SCLT1: variants seen among roughly 807,000 people sequenced by gnomAD.
The protein encoded by SCLT1 is sodium channel and clathrin linker 1, also known as sodium channel-associated protein 1.
A neutral mutation model predicts 112.8 loss-of-function variants in SCLT1; 78 were observed. The ratio of observed to expected loss-of-function variants is 0.69; its 90% CI spans 0.58 to 0.83. SCLT1 has a LOEUF of 0.83. Ranked by LOEUF, SCLT1 falls within the 40% of genes least tolerant of loss-of-function variation. SCLT1 has a pLI of 0.00. For missense variants in SCLT1, 747 were observed against 770.4 expected (o/e 0.97, Z 0.36); for synonymous variants, 257 against 254.7 (o/e 1.01, Z -0.09).
intron 4 of SCLT1, among the ~76,000 whole-genome samples, chr4:128,875,597 GT>G (rs1246001589): frequency 6.6e-6 from 1 of 152,178 alleles, no homozygotes; most frequent in Non-Finnish European, 1.5e-5. Context: ...TTAAGCCTCA[GT>G]TTTCCCAGAA....
chr4:128,902,809 A>G (rs1430650643), intron 18 of SCLT1, among the ~76,000 whole-genome samples: 4 of 152,192 alleles, frequency 2.6e-5, no homozygotes, highest in African/African-American at 7.2e-5. Flanking sequence ...CTAAAACACA[A>G]ATGTACAGCT....
chr4:128,879,306 G>A (rs1199981973), downstream of SCLT1, among the ~76,000 whole-genome samples: 4 of 152,146 alleles, frequency 2.6e-5, no homozygotes, highest in Non-Finnish European at 5.9e-5. Context: ...TAGAATGTGT[G>A]AAGCATTTAC....
chr4:128,920,105 T>C (rs1735769430), intron 18 of SCLT1, among the ~76,000 whole-genome samples: 1 of 152,200 alleles, frequency 6.6e-6, no homozygotes, highest in Non-Finnish European at 1.5e-5. Flanking sequence ...AAAAGAAAAC[T>C]TCAGGCCAAT....
chr4:129,015,477 C>A (rs1744910702), intron 5 of SCLT1, among the ~76,000 whole-genome samples: 1 of 152,104 alleles, frequency 6.6e-6, no homozygotes. Context: ...CCTATCTGAG[C>A]TGGGGCAAGT....
chr4:129,000,570 G>T (rs1002788263), intron 6 of SCLT1, among the ~76,000 whole-genome samples: 6 of 151,842 alleles, frequency 4.0e-5, no homozygotes, highest in African/African-American at 1.5e-4. Context: ...AATGTACAGT[G>T]AAGTTTTCTA....
chr4:129,010,511 G>A (rs1434586470), intron 5 of SCLT1, among the ~76,000 whole-genome samples: 1 of 152,188 alleles, frequency 6.6e-6, no homozygotes, highest in African/African-American at 2.4e-5. Context: ...TGGGCAGTAT[G>A]ACCATTTTTA....
At chr4:128,941,962 G>C (rs764952637) in intron 17 of SCLT1, among the ~76,000 whole-genome samples, 1 of 152,054 alleles carries the variant, frequency 6.6e-6, no homozygotes, top group Non-Finnish European at 1.5e-5. Flanking sequence ...TATGATAAAT[G>C]AGTTTGTTTC....
At chr4:129,052,761 C>G (rs1188908727) in intron 2 of SCLT1, among the ~76,000 whole-genome samples, 3 of 152,072 alleles carry the variant, frequency 2.0e-5, no homozygotes, top group Non-Finnish European at 2.9e-5. Flanking sequence ...TATTTCTTGT[C>G]TTCTGCTAGC....
chr4:128,990,944 T>C (rs1742516267), intron 9 of SCLT1, among the ~76,000 whole-genome samples: 1 of 151,758 alleles, frequency 6.6e-6, no homozygotes, highest in Admixed American at 6.6e-5. Context: ...CACAAAACAA[T>C]GGAAAGATAT....
intron 18 of SCLT1, among the ~76,000 whole-genome samples, chr4:128,905,105 TA>T (rs1238407006): frequency 6.6e-6 from 1 of 152,188 alleles, no homozygotes; most frequent in African/African-American, 2.4e-5. Context: ...AGAAAAAAAC[TA>T]ATAAGCATCT....
chr4:128,959,038 T>G (rs917387362), intron 12 of SCLT1, among the ~76,000 whole-genome samples: 1 of 152,186 alleles, frequency 6.6e-6, no homozygotes, highest in African/African-American at 2.4e-5. Flanking sequence ...CATTAAAACA[T>G]TTGTTTTGTG....
chr4:128,924,086 T>G (rs947529032), intron 18 of SCLT1, among the ~76,000 whole-genome samples: 8 of 152,102 alleles, frequency 5.3e-5, no homozygotes, highest in Non-Finnish European at 1.2e-4. Flanking sequence ...TAAAACTGCA[T>G]GTCTGCATGA....
chr4:128,967,989 G>T (rs927303762), intron 10 of SCLT1, among the ~76,000 whole-genome samples: 4 of 152,064 alleles, frequency 2.6e-5, no homozygotes, highest in African/African-American at 9.7e-5. Context: ...TCTTATCATT[G>T]CCTCTCTGTT....
At chr4:129,024,880 G>T (rs925221883) in intron 5 of SCLT1, among the ~76,000 whole-genome samples, 1 of 152,120 alleles carries the variant, frequency 6.6e-6, no homozygotes, top group Non-Finnish European at 1.5e-5. Context: ...GAAAACCAAG[G>T]CTCGAGAACT....
rs896427935 is a variant in SCLT1 at position 129,058,014 on chromosome 4, G to T, written c.103-13963C>A. On this transcript the variant is annotated intron_variant, in intron 2 of 20. Transcript: ENST00000281142. ...TCCACCCACTTTGGCCTCCCAAAGT[G>T]CTGGGATTACAGGCATGAGCCATCA... Among the ~76,000 whole-genome samples the T allele has an allele frequency of 4.6e-5, 7 of 152,282 alleles. 1 individual carries two copies. The highest frequency in any genetic ancestry group is 3.9e-4 in the Admixed American group (6 of 15,298).
chr4:129,026,498 C>A (rs945025454), intron 5 of SCLT1, among the ~76,000 whole-genome samples: 2 of 151,952 alleles, frequency 1.3e-5, no homozygotes, highest in Non-Finnish European at 2.9e-5. Context: ...TTCTTTGAAA[C>A]CAACGAGAAC....
chr4:128,929,933 C>G (rs923500728), intron 18 of SCLT1, among the ~76,000 whole-genome samples: 2 of 151,964 alleles, frequency 1.3e-5, no homozygotes, highest in Admixed American at 1.3e-4. Flanking sequence ...AGTTCAAGAT[C>G]AAGGAATTTA....
chr4:129,011,917 C>T (rs1457010705), intron 5 of SCLT1, among the ~76,000 whole-genome samples: 2 of 151,864 alleles, frequency 1.3e-5, no homozygotes, highest in Non-Finnish European at 2.9e-5. Flanking sequence ...TTATTTGAAT[C>T]TTCTCTCTTT....
intron 5 of SCLT1, among the ~76,000 whole-genome samples, chr4:129,028,029 A>C (rs1254355662): frequency 6.6e-6 from 1 of 152,202 alleles, no homozygotes; most frequent in Non-Finnish European, 1.5e-5. Flanking sequence ...ATAAAAGAGG[A>C]TACAAACAAA....
Sources: allele counts gnomAD v4.1 joint callset (sites outside exome capture counted in the v4.1 genomes callset), GRCh38; gene constraint gnomAD v4.1.1; transcripts MANE v1.5; gene names NCBI Gene and HGNC (gene_info 2026-07-23, HGNC 2026-07-21).